Variants in B4GALT1 observed in about 807,000 individuals in gnomAD.
B4GALT1 encodes the protein beta-1,4-galactosyltransferase 1.
Under a neutral mutation model 34.9 loss-of-function variants are expected in B4GALT1, and 16 were observed. The observed-to-expected ratio is 0.46, with a 90% confidence interval of 0.31 to 0.70. The LOEUF (loss-of-function observed/expected upper bound fraction) is 0.70, where lower values mean the gene tolerates loss of function less well. Among genes scored for constraint, B4GALT1 ranks in the 30% least tolerant of loss-of-function variants. The probability of loss-of-function intolerance (pLI) is 0.05; values close to 1 mark genes in which losing one functional copy is unlikely to be tolerated. For synonymous variants in B4GALT1, 221 were observed against 218.1 expected (o/e 1.01, Z -0.12); for missense variants, 445 against 530.5 (o/e 0.84, Z 1.58).
downstream of B4GALT1, among the ~76,000 whole-genome samples, chr9:33,107,501 AC>A (rs967158806): frequency 6.6e-6 from 1 of 151,224 alleles, no homozygotes; most frequent in African/African-American, 2.4e-5. Context: ...CCACTCATTC[AC>A]CCCCAGGGGC....
At chr9:33,154,104 A>G (rs1011361029) in intron 1 of B4GALT1, among the ~76,000 whole-genome samples, 20 of 152,126 alleles carry the variant, frequency 1.3e-4, no homozygotes, top group Non-Finnish European at 2.2e-4. Flanking sequence ...ACAAATCAAC[A>G]AAATACTAGC....
intron 1 of B4GALT1, among the ~76,000 whole-genome samples, chr9:33,163,447 G>C (rs1840703979): frequency 6.6e-6 from 1 of 152,204 alleles, no homozygotes; most frequent in African/African-American, 2.4e-5. Flanking sequence ...CGGCCTCTGA[G>C]GCTTAAGCAG....
At chr9:33,159,480 G>A (rs1840644677) in intron 1 of B4GALT1, among the ~76,000 whole-genome samples, 1 of 152,136 alleles carries the variant, frequency 6.6e-6, no homozygotes, top group South Asian at 2.1e-4. Flanking sequence ...CTGCTCCTCA[G>A]AGAGAATTTA....
intron 1 of B4GALT1, among the ~76,000 whole-genome samples, chr9:33,139,979 T>C (rs1840325532): frequency 6.6e-6 from 1 of 152,258 alleles, no homozygotes; most frequent in South Asian, 2.1e-4. Flanking sequence ...CCCCGCCACG[T>C]GGGCCTCTCG....
chr9:33,178,880 T>G, the B4GALT1 span: 2 of 152,244 alleles, frequency 1.3e-5, no homozygotes, highest in Non-Finnish European at 2.9e-5. Flanking sequence ...TAATAAAGCA[T>G]GTATTTCTCT....
chr9:33,184,958 T>C, the B4GALT1 span, among the ~76,000 whole-genome samples: 1 of 152,258 alleles, frequency 6.6e-6, no homozygotes, highest in African/African-American at 2.4e-5. Flanking sequence ...TCAGGAAACA[T>C]ATATGATAGA....
the B4GALT1 span, among the ~76,000 whole-genome samples, chr9:33,184,685 A>T: frequency 6.6e-6 from 1 of 152,244 alleles, no homozygotes; most frequent in Non-Finnish European, 1.5e-5. Context: ...CTCTCGGGCA[A>T]TACCAATGCT....
chr9:33,154,341 C>A (rs752852051), intron 1 of B4GALT1, among the ~76,000 whole-genome samples: 10 of 152,270 alleles, frequency 6.6e-5, no homozygotes, highest in Middle Eastern at 6.8e-3. Flanking sequence ...AAAGGAACTT[C>A]CTCAACCTGA....
the B4GALT1 span, among the ~76,000 whole-genome samples, chr9:33,176,784 C>G: frequency 6.6e-6 from 1 of 152,158 alleles, no homozygotes; most frequent in Non-Finnish European, 1.5e-5. Context: ...GCCCAAACCT[C>G]AGCATCATGC....
intron 3 of B4GALT1, among the ~76,000 whole-genome samples, chr9:33,117,727 G>A (rs142049948): frequency 6.6e-6 from 1 of 152,212 alleles, no homozygotes; most frequent in African/African-American, 2.4e-5. Context: ...TCCCCAGGGG[G>A]TCTGCTTTAA....
intron 2 of B4GALT1, among the ~76,000 whole-genome samples, chr9:33,121,253 C>G (rs1840016326): frequency 6.6e-6 from 1 of 152,246 alleles, no homozygotes. Context: ...CCATACACAC[C>G]AGGACAGAAG....
chr9:33,113,712 C>T, intron 5 of B4GALT1, 62 bp downstream of exon 5: 6 of 1,608,958 alleles, frequency 3.7e-6, no homozygotes, highest in South Asian at 1.1e-5. Flanking sequence ...GGCCCAGAGC[C>T]TCGGACCTGC....
chr9:33,134,498 T>C (rs1840238651), intron 2 of B4GALT1, among the ~76,000 whole-genome samples: 1 of 152,178 alleles, frequency 6.6e-6, no homozygotes, highest in Non-Finnish European at 1.5e-5. Context: ...AACTGAAAAA[T>C]TTATTTCAAT....
At chr9:33,141,605 T>C (rs2774272) in intron 1 of B4GALT1, among the ~76,000 whole-genome samples, 86,515 of 151,992 alleles carry the variant, frequency 0.57, 26,141 homozygotes, top group African/African-American at 0.78. Context: ...TAACAAACAA[T>C]AAGCTAAAAC....
At chr9:33,106,298 AGG>A (rs1455086901), downstream of B4GALT1, among the ~76,000 whole-genome samples, 2 of 152,138 alleles carry the variant, frequency 1.3e-5, no homozygotes, top group Non-Finnish European at 2.9e-5. Context: ...CCTTTGTCAA[AGG>A]ACAGATGGCC....
chr9:33,179,758 T>C, the B4GALT1 span: 2 of 152,244 alleles, frequency 1.3e-5, no homozygotes, highest in African/African-American at 4.8e-5. Flanking sequence ...ATGTAAATGT[T>C]CTGAGAATAT....
At chr9:33,131,885 T>G (rs2118135988) in intron 2 of B4GALT1, among the ~76,000 whole-genome samples, 1 of 152,340 alleles carries the variant, frequency 6.6e-6, no homozygotes, top group South Asian at 2.1e-4. Context: ...ATTACCATTT[T>G]ATTATTTATT....
At chr9:33,129,622 A>C (rs930293199) in intron 2 of B4GALT1, among the ~76,000 whole-genome samples, 1 of 152,178 alleles carries the variant, frequency 6.6e-6, no homozygotes. Flanking sequence ...GAAAGAAGGG[A>C]GGCAGACATG....
chr9:33,131,987 A>T (rs2118136481), intron 2 of B4GALT1, among the ~76,000 whole-genome samples: 2 of 152,260 alleles, frequency 1.3e-5, no homozygotes, highest in South Asian at 2.1e-4. Context: ...CAAAATGATC[A>T]ATTAGGGTGA....
Sources: gnomAD v4.1 joint callset for allele counts (sites outside exome capture counted in the v4.1 genomes callset) on GRCh38, gnomAD v4.1.1 for gene constraint, MANE v1.5 for transcripts, NCBI Gene and HGNC (gene_info 2026-07-23, HGNC 2026-07-21) for gene names.